PICALM: variants seen among roughly 807,000 people sequenced by gnomAD.
PICALM encodes the protein phosphatidylinositol-binding clathrin assembly protein.
In PICALM, 40 loss-of-function variants were observed where a neutral mutation model predicts 80.5. That is an observed-to-expected ratio of 0.50 (90% confidence interval 0.39 to 0.65). PICALM has a LOEUF of 0.65. Ranked by LOEUF, PICALM falls within the 30% of genes least tolerant of loss-of-function variation. The probability of loss-of-function intolerance (pLI) is 0.00; values close to 1 mark genes in which losing one functional copy is unlikely to be tolerated. For synonymous variants in PICALM, 288 were observed against 260.3 expected (o/e 1.11, Z -1.02); for missense variants, 676 against 778.9 (o/e 0.87, Z 1.57).
chr11:85,997,759 C>T (rs1478504589), intron 11 of PICALM, among the ~76,000 whole-genome samples: 2 of 152,188 alleles, frequency 1.3e-5, no homozygotes, highest in Admixed American at 6.5e-5. Context: ...GCGTGAGCCA[C>T]TGTGCTCAGC....
chr11:85,991,140 T>C (rs529932567), intron 12 of PICALM, among the ~76,000 whole-genome samples: 18 of 152,226 alleles, frequency 1.2e-4, no homozygotes, highest in Non-Finnish European at 1.8e-4. Flanking sequence ...ATTATACTGA[T>C]ACCTTATTCA....
intron 1 of PICALM, among the ~76,000 whole-genome samples, chr11:86,060,796 G>A (rs1183882951): frequency 2.6e-5 from 4 of 151,012 alleles, no homozygotes; most frequent in Non-Finnish European, 5.9e-5. Flanking sequence ...ACTCAAAATG[G>A]ATCACAGACC....
intron 4 of PICALM, among the ~76,000 whole-genome samples, chr11:86,016,275 C>G (rs2095479734): frequency 6.6e-6 from 1 of 152,190 alleles, no homozygotes; most frequent in Non-Finnish European, 1.5e-5. Flanking sequence ...TTACTGCCCC[C>G]AGAAACCACA....
At chr11:86,068,036 C>T in intron 1 of PICALM, among the ~76,000 whole-genome samples, 1 of 152,108 alleles carries the variant, frequency 6.6e-6, no homozygotes, top group East Asian at 1.9e-4. Flanking sequence ...GTCGAAGAAA[C>T]TACACTGAAG....
rs570358338 is a variant in PICALM, at chr11:85,981,923, T to C, written c.1597A>G (p.Ser533Gly). Reference sequence around the variant, plus strand: ...TCCAAGTCATCAGATACTAACTTGCTAGGTGGGAGTTTGGCAACAGGAAGG... The same window carrying C: ...TCCAAGTCATCAGATACTAACTTGCCAGGTGGGAGTTTGGCAACAGGAAGG... The part of the protein sequence containing the change: ...QNLPVAKLPP[S>G]KLVSDDLDSS... The change falls in exon 15 of 20, where the codon AGC (serine) becomes GGC (glycine). Residue 533 changes from serine to glycine, a missense_variant. By Grantham distance (56) the Ser-to-Gly change is moderately conservative. Transcript: ENST00000393346. 1.4e-4 allele frequency: 226 copies of C among 1,613,604 alleles called. 6 individuals carry two copies. The South Asian group carries it at 2.1e-3, about 15-fold the overall frequency.
chr11:86,052,669 C>A (rs545392038), intron 1 of PICALM, among the ~76,000 whole-genome samples: 30 of 152,322 alleles, frequency 2.0e-4, no homozygotes, highest in Admixed American at 1.6e-3. Context: ...TGTTTTCACA[C>A]TGGCAGCAGA....
chr11:86,000,682 G>T lies in PICALM; in HGVS notation c.1115C>A (p.Pro372Gln). ...AGGGGTAGAAAATATGTCAATGGCT[G>T]GTGCAGTCATTATCCCTCCTGCTGA... ...STSAGGIMTAPAIDIFSTPSS... is the reference protein window; with the variant it reads ...STSAGGIMTAQAIDIFSTPSS... The change falls in exon 11 of 20, where the codon CCA (proline) becomes CAA (glutamine). Residue 372 changes from proline to glutamine, a missense_variant. Pro to Gln is a moderately conservative substitution (Grantham distance 76). Coordinates refer to ENST00000393346, the MANE Select transcript of PICALM (RefSeq NM_007166.4). 1.9e-6 allele frequency: 3 copies of T among 1,612,212 alleles called. No homozygotes were observed. The highest frequency in any genetic ancestry group is 2.5e-6 in the Non-Finnish European group (3 of 1,179,560).
At chr11:86,018,127 T>G (rs926889971) in intron 4 of PICALM, among the ~76,000 whole-genome samples, 6 of 152,216 alleles carry the variant, frequency 3.9e-5, no homozygotes, top group African/African-American at 1.4e-4. Context: ...AATTCAAACC[T>G]AGATTCATCT....
In PICALM at chr11:86,012,398, GA is replaced by G; in HGVS notation, c.547-7del. ...GTAAGTTCATTGCTATTAACCTAGG[GA>G]AAAATTGGAAAATAAAATTAGCTAA... On this transcript the variant is annotated splice_region_variant and splice_polypyrimidine_tract_variant and intron_variant, in intron 5 of 19. Transcript: ENST00000393346. The G allele has an allele frequency of 1.3e-6, 2 of 1,482,294 alleles. No homozygotes were observed. The highest frequency in any genetic ancestry group is 1.9e-6 in the Non-Finnish European group (2 of 1,066,104). The allele number at this position is 1,482,294 out of a possible 1,614,324, so 91.8% of individuals were successfully genotyped here.
At chr11:86,011,862 T>A (rs1200899013) in intron 6 of PICALM, among the ~76,000 whole-genome samples, 1 of 151,412 alleles carries the variant, frequency 6.6e-6, no homozygotes, top group Admixed American at 6.6e-5. Flanking sequence ...TTTTTTTTTT[T>A]TTTTTGAAAC....
chr11:85,974,608 G>A lies in PICALM; in HGVS notation c.1944+100C>T, dbSNP rs913771186. The A allele has an allele frequency of 1.7e-4, 131 of 788,220 alleles. No homozygotes were observed. The Admixed American group carries it at 2.3e-3, about 14-fold the overall frequency. The allele number at this position is 788,220 out of a possible 1,614,324, so 48.8% of individuals were successfully genotyped here. Reference sequence around the variant, plus strand: ...GCAATATCCATAATGAAGGTAGAAAGTGCTAGTAACTTGTTTCTCAAGTTG... The same window carrying A: ...GCAATATCCATAATGAAGGTAGAAAATGCTAGTAACTTGTTTCTCAAGTTG... On this transcript the variant is annotated intron_variant, in intron 19 of 19. Coordinates refer to ENST00000393346, the MANE Select transcript of PICALM (RefSeq NM_007166.4).
intron 13 of PICALM, among the ~76,000 whole-genome samples, chr11:85,984,622 C>T (rs562034945): frequency 2.6e-5 from 4 of 152,224 alleles, no homozygotes; most frequent in African/African-American, 9.6e-5. Flanking sequence ...TTAGTACTTG[C>T]AACAGTGGGG....
intron 19 of PICALM, among the ~76,000 whole-genome samples, chr11:85,959,657 G>GC (rs2093623294): frequency 2.1e-5 from 1 of 48,454 alleles, no homozygotes; most frequent in Non-Finnish European, 4.2e-5. Flanking sequence ...AAAAAAAAAA[G>GC]CTCATTGGAA....
At chr11:86,056,134 T>TAAAAAAAAAAA (rs376759395) in intron 1 of PICALM, among the ~76,000 whole-genome samples, 45 of 76,830 alleles carry the variant, frequency 5.9e-4, no homozygotes, top group African/African-American at 1.7e-3. Context: ...GACTCTGTCT[T>TAAAAAAAAAAA]TAAAAAAAAA....
chr11:86,049,602 G>A (rs773024436), intron 1 of PICALM, among the ~76,000 whole-genome samples: 1 of 151,414 alleles, frequency 6.6e-6, no homozygotes, highest in Non-Finnish European at 1.5e-5. Flanking sequence ...ACCCAGGCTG[G>A]AGTGCAGTGG....
At chr11:86,007,023 C>T (rs2136202297) in intron 8 of PICALM, among the ~76,000 whole-genome samples, 1 of 152,128 alleles carries the variant, frequency 6.6e-6, no homozygotes, top group South Asian at 2.1e-4. Context: ...AAAGTAACTT[C>T]CCCAAAGTCA....
At chr11:85,988,630 G>C (rs1037346924) in intron 13 of PICALM, among the ~76,000 whole-genome samples, 1 of 151,614 alleles carries the variant, frequency 6.6e-6, no homozygotes, top group Admixed American at 6.6e-5. Context: ...GGGAAGGAAA[G>C]AATCAGGGAA....
At chr11:86,046,160 T>G (rs1054821819) in intron 1 of PICALM, among the ~76,000 whole-genome samples, 2 of 152,256 alleles carry the variant, frequency 1.3e-5, no homozygotes, top group African/African-American at 4.8e-5. Flanking sequence ...CTTCAAATAC[T>G]GATAATGAAG....
At position 85,995,755 on chromosome 11, in the gene PICALM, C is replaced by CA. The variant is rs1284804499; in HGVS notation, c.1258+1070dup. On this transcript the variant is annotated intron_variant, in intron 12 of 19. Transcript: ENST00000393346. ...ATAAGGCAGAAAATAATTAAGAATC[C>CA]AAAAATCAGAACATAACATTAGGAT... Among the ~76,000 whole-genome samples, 7 of 152,104 alleles carry CA rather than the reference C, an allele frequency of 4.6e-5. No homozygotes were observed. In the East Asian group the frequency reaches 1.2e-3, roughly 25 times the overall value.
Sources: allele counts gnomAD v4.1 joint callset (sites outside exome capture counted in the v4.1 genomes callset), GRCh38; gene constraint gnomAD v4.1.1; transcripts MANE v1.5; gene names NCBI Gene and HGNC (gene_info 2026-07-23, HGNC 2026-07-21).